CEP192: variants seen among roughly 807,000 people sequenced by gnomAD.
CEP192 encodes centrosomal protein of 192 kDa.
In CEP192, 151 loss-of-function variants were observed where a neutral mutation model predicts 271.8. The observed-to-expected ratio is 0.56, with a 90% CI of 0.49 to 0.64. The LOEUF is 0.64. Ranked by LOEUF, CEP192 falls within the 30% of genes least tolerant of loss-of-function variation. CEP192 has a pLI of 0.00. For missense variants in CEP192, 2,910 were observed against 3,020.5 expected, an observed-to-expected ratio of 0.96 and a Z score of 0.86; for synonymous variants, 995 against 1,076.5, an observed-to-expected ratio of 0.92 and a Z score of 1.48.
Position 13,094,237 on chromosome 18 carries a change from C to T in CEP192, c.6255-1266C>T, listed in dbSNP as rs539332916. On this transcript the variant is annotated intron_variant, in intron 34 of 44. Transcript: ENST00000506447. ...CTAATGAATATCTTAAGAGGGAGTTCTTTAAAGATCATGATTATCTTGTTC... is the reference window on the plus strand; with the variant it reads ...CTAATGAATATCTTAAGAGGGAGTTTTTTAAAGATCATGATTATCTTGTTC... Among the ~76,000 whole-genome samples the T allele has an allele frequency of 5.3e-5, 8 of 152,302 alleles. No homozygotes were observed. In the South Asian group the frequency reaches 1.5e-3, roughly 28 times the overall value.
chr18:13,071,414 A>G (rs906532696), intron 28 of CEP192, among the ~76,000 whole-genome samples: 3 of 152,222 alleles, frequency 2.0e-5, no homozygotes, highest in African/African-American at 7.2e-5. Flanking sequence ...CACCTGACGC[A>G]TGACCAACAA....
At chr18:13,013,959 T>G (rs2034503420) in intron 5 of CEP192, among the ~76,000 whole-genome samples, 1 of 152,274 alleles carries the variant, frequency 6.6e-6, no homozygotes, top group Non-Finnish European at 1.5e-5. Context: ...TCCAGTCTGC[T>G]GGCTGTTTTT....
At chr18:13,053,205 C>A in intron 18 of CEP192, 115 bp downstream of exon 18, 1 of 853,150 alleles carries the variant, frequency 1.2e-6, no homozygotes, top group Non-Finnish European at 1.8e-6. Context: ...GCTCTTTTAT[C>A]TTTAAAATGA....
In CEP192 at chr18:13,089,492, A is replaced by T. The variant is rs1294217809; in HGVS notation, c.6030A>T (p.Ile2010=). 2.5e-6 allele frequency: 4 copies of T among 1,605,086 alleles called. No homozygotes were observed. The African/African-American group carries it at 4.0e-5, about 16-fold the overall frequency. ...LLHKPEMIKQ[I]LPEHSVLQNI... The stretch of plus-strand genomic sequence containing the variant: ...ATAAACCAGAGATGATAAAACAGAT[A>T]CTTCCAGAACATAGTGTGCTTCAAA... Residue 2010 remains isoleucine (I), a synonymous_variant, in exon 33 of 45, where the codon ATA becomes ATT. Transcript: ENST00000506447.
At chr18:13,002,559 A>G (rs764344402) in intron 3 of CEP192, among the ~76,000 whole-genome samples, 1 of 152,326 alleles carries the variant, frequency 6.6e-6, no homozygotes, top group Non-Finnish European at 1.5e-5. Context: ...AGTTTATTTT[A>G]AAGACCATTA....
intron 30 of CEP192, among the ~76,000 whole-genome samples, chr18:13,086,425 G>A (rs1312372764): frequency 6.6e-6 from 1 of 152,190 alleles, no homozygotes; most frequent in Non-Finnish European, 1.5e-5. Flanking sequence ...GTGTTGAATA[G>A]GAGTGGTGAG....
Position 13,096,238 on chromosome 18 carries a change from T to A in CEP192, c.6488T>A (p.Leu2163Gln), listed in dbSNP as rs2039392560. The A allele has an allele frequency of 1.6e-5, 26 of 1,613,828 alleles. No individual in the cohort carries two copies. The highest frequency in any genetic ancestry group is 2.1e-5 in the Non-Finnish European group (25 of 1,179,766). The stretch of plus-strand genomic sequence containing the variant: ...ATTGTGAATAACTCTGTGAGGTTAC[T>A]GAGATTTGAGCTGTGCTGGCCAGCG... ...FQIVNNSVRLLRFELCWPAHC... is the reference protein window; with the variant it reads ...FQIVNNSVRLQRFELCWPAHC... Residue 2163 changes from leucine (L) to glutamine (Q), a missense_variant, in exon 36 of 45, where the codon CTG (leucine) becomes CAG (glutamine). Coordinates refer to ENST00000506447, the MANE Select transcript of CEP192 (RefSeq NM_032142.4).
At chr18:13,045,210 T>A (rs2036410872) in intron 15 of CEP192, among the ~76,000 whole-genome samples, 1 of 152,188 alleles carries the variant, frequency 6.6e-6, no homozygotes. Flanking sequence ...TGTTTGTCTT[T>A]CTATTTCCTA....
chr18:13,093,399 G>A (rs1201211752), intron 34 of CEP192, among the ~76,000 whole-genome samples: 4 of 152,142 alleles, frequency 2.6e-5, no homozygotes, highest in African/African-American at 9.7e-5. Flanking sequence ...GATGCATTTG[G>A]TTATCCTATC....
chr18:12,992,524 T>C lies in CEP192; in HGVS notation c.-5+1087T>C, dbSNP rs370079244. On this transcript the variant is annotated intron_variant, in intron 1 of 44. Coordinates refer to ENST00000506447, the MANE Select transcript of CEP192 (RefSeq NM_032142.4). ...GAAATAGCAAGAGAAATTGCAAATA[T>C]AGCCACTCAGTTCAAATAGGATAGA... Among the ~76,000 whole-genome samples the C allele has an allele frequency of 8.1e-4, 123 of 152,270 alleles. 2 individuals carry two copies. The highest frequency in any genetic ancestry group is 2.5e-3 in the African/African-American group (102 of 41,538).
At chr18:13,099,304 G>A (rs996753963) in intron 36 of CEP192, among the ~76,000 whole-genome samples, 172 bp from the exon 37 acceptor site, 4 of 152,138 alleles carry the variant, frequency 2.6e-5, no homozygotes, top group African/African-American at 9.7e-5. Flanking sequence ...GGGTGGAGGC[G>A]GGATGAACTT....
chr18:13,001,360 G>A (rs1185634395), intron 2 of CEP192, 97 bp from the exon 3 acceptor site: 4 of 751,188 alleles, frequency 5.3e-6, no homozygotes, highest in Non-Finnish European at 2.1e-6. Flanking sequence ...TTTTTACCCC[G>A]GTGGTTGGTT....
intron 30 of CEP192, among the ~76,000 whole-genome samples, chr18:13,084,712 G>A (rs1031718963): frequency 1.3e-5 from 2 of 152,132 alleles, no homozygotes; most frequent in South Asian, 2.1e-4. Flanking sequence ...TGTCAATCAC[G>A]CTGGGAGCTG....
intron 1 of CEP192, among the ~76,000 whole-genome samples, chr18:12,997,272 G>A (rs562149935): frequency 6.6e-6 from 1 of 152,194 alleles, no homozygotes; most frequent in East Asian, 1.9e-4. Flanking sequence ...AGGTGCACCG[G>A]CCCAGTCGGA....
intron 40 of CEP192, among the ~76,000 whole-genome samples, chr18:13,108,890 A>G (rs974931068): frequency 6.6e-6 from 1 of 152,164 alleles, no homozygotes; most frequent in Admixed American, 6.5e-5. Context: ...AAATAAAACA[A>G]AAAGTCAAAA....
Position 13,049,783 on chromosome 18 carries a change from C to T in CEP192, c.2909C>T (p.Pro970Leu). The change falls in exon 17 of 45, where the codon CCT becomes CTT. Residue 970 changes from proline (P) to leucine (L), a missense_variant. Pro to Leu is a moderately conservative substitution (Grantham distance 98). Transcript: ENST00000506447. ...CTGATAGATTTGAAAAATACCTCTC[C>T]TGAGCATGGTGGACGTGGCTCAGAG... is the stretch of plus-strand genomic sequence containing the variant. ...PKNSDLKNTS[P>L]EHGGRGSEDE... 1 of 1,613,666 alleles carries T rather than the reference C, an allele frequency of 6.2e-7. No individual in the cohort carries two copies. Among genetic ancestry groups the T allele is most frequent in the Non-Finnish European group, 8.5e-7 (1 of 1,179,872 alleles).
At chr18:13,089,988 C>T (rs1056693141) in intron 33 of CEP192, among the ~76,000 whole-genome samples, 2 of 151,986 alleles carry the variant, frequency 1.3e-5, no homozygotes, top group African/African-American at 4.8e-5. Context: ...GCTATCGTGC[C>T]TATTGTAAGA....
At chr18:13,023,268 G>A (rs553278157) in intron 9 of CEP192, among the ~76,000 whole-genome samples, 1 of 152,022 alleles carries the variant, frequency 6.6e-6, no homozygotes, top group African/African-American at 2.4e-5. Flanking sequence ...CATTAGCTAG[G>A]ACTTATAGTA....
At chr18:13,003,880 G>A (rs996439071) in intron 3 of CEP192, among the ~76,000 whole-genome samples, 1 of 152,228 alleles carries the variant, frequency 6.6e-6, no homozygotes, top group East Asian at 1.9e-4. Flanking sequence ...ACATTGTCTG[G>A]GAGTGAGGCA....
Sources: gnomAD v4.1 joint callset for allele counts (sites outside exome capture counted in the v4.1 genomes callset) on GRCh38, gnomAD v4.1.1 for gene constraint, MANE v1.5 for transcripts, NCBI Gene and HGNC (gene_info 2026-07-23, HGNC 2026-07-21) for gene names.